Variants in ANKRD11 observed in about 807,000 individuals in gnomAD.
The protein encoded by ANKRD11 is ankyrin repeat domain 11, also known as ankyrin repeat domain-containing protein 11.
A neutral mutation model predicts 195.7 loss-of-function variants in ANKRD11; 17 were observed. That is an observed-to-expected ratio of 0.09 (90% CI 0.06 to 0.13). ANKRD11 has a LOEUF of 0.13. Ranked by LOEUF, ANKRD11 falls within the 10% of genes least tolerant of loss-of-function variation. ANKRD11 has a pLI of 1.00. For missense variants in ANKRD11, 3,735 were observed against 3,566.1 expected (o/e 1.05, Z -1.21); for synonymous variants, 1,953 against 1,528.1 (o/e 1.28, Z -6.49).
At chr16:89,381,855 T>C (rs2040671813) in intron 2 of ANKRD11, among the ~76,000 whole-genome samples, 2 of 152,200 alleles carry the variant, frequency 1.3e-5, no homozygotes, top group Non-Finnish European at 2.9e-5. Context: ...CAGGAGGGCA[T>C]AACTTACAGC....
rs1016867196 is a variant in ANKRD11, at chr16:89,291,615, G to A, written c.227-432C>T. The A allele has an allele frequency of 3.4e-6, 4 of 1,169,714 alleles. No individual in the cohort carries two copies. The highest frequency in any genetic ancestry group is 4.6e-6 in the Non-Finnish European group (4 of 878,248). The allele number at this position is 1,169,714 out of a possible 1,614,324, so 72.5% of individuals were successfully genotyped here. ...CCCCGTCCCTCCTCCAAACAGTGCA[G>A]ATATAAAATGGCAGACACAGTTTAA... is the stretch of plus-strand genomic sequence containing the variant. On this transcript the variant is annotated intron_variant, in intron 4 of 12. Transcript: ENST00000301030. The surrounding 1 kb of genome is among the most constrained non-coding windows in gnomAD (Gnocchi z 5.3).
intron 11 of ANKRD11, chr16:89,272,086 T>G (rs2033208674): frequency 6.6e-6 from 1 of 152,024 alleles, no homozygotes; most frequent in African/African-American, 2.4e-5. Context: ...GGGCAAAAGA[T>G]CTGAATAGAC....
At position 89,285,002 on chromosome 16, in the gene ANKRD11, G is replaced by A. The variant is rs367970933; in HGVS notation, c.1540C>T (p.Leu514=). The A allele has an allele frequency of 6.5e-5, 105 of 1,613,992 alleles. No individual in the cohort carries two copies. Among genetic ancestry groups the A allele is most frequent in the Non-Finnish European group, 8.0e-5 (94 of 1,180,026 alleles). The part of the protein sequence containing the change: ...GSPLVLKDPS[L]FSSLSASSTS... ...GAGGAGGCAGAGAGGGAGCTGAACA[G>A]GGAGGGGTCCTTCAGCACCAGCGGG... The change falls in exon 9 of 13, where the codon CTG becomes TTG. Residue 514 remains leucine, a synonymous_variant. Coordinates refer to ENST00000301030, the MANE Select transcript of ANKRD11 (RefSeq NM_013275.6). This position sits in a 1 kb window ranked among gnomAD's most constrained non-coding sequence, Gnocchi z 5.6.
In ANKRD11 at chr16:89,282,258, T is replaced by G. The variant is rs761134136; in HGVS notation, c.4284A>C (p.Lys1428Asn). ...GTTCTCTCTCGGAATCATTTTTATC[T>G]TTCTTTTCGGTAGAAAACAATTCAA... ...KTIELFSTEK[K>N]DKNDSEREPS... The change falls in exon 9 of 13, where the codon AAA (lysine) becomes AAC (asparagine). Residue 1428 changes from lysine to asparagine, a missense_variant. Coordinates refer to ENST00000301030, the MANE Select transcript of ANKRD11 (RefSeq NM_013275.6). 25 of 1,614,124 alleles carry G rather than the reference T, an allele frequency of 1.5e-5. No individual in the cohort carries two copies. The highest frequency in any genetic ancestry group is 6.7e-5 in the Admixed American group (4 of 60,008).
intron 11 of ANKRD11, among the ~76,000 whole-genome samples, chr16:89,274,082 G>A (rs1376495103): frequency 6.6e-6 from 1 of 152,212 alleles, no homozygotes; most frequent in Non-Finnish European, 1.5e-5. Context: ...CACATGGACA[G>A]GTCAGTGGTG....
chr16:89,473,993 G>T (rs548870257), intron 1 of ANKRD11, among the ~76,000 whole-genome samples: 28 of 152,324 alleles, frequency 1.8e-4, no homozygotes, highest in African/African-American at 6.5e-4. Context: ...GTTTTGAAGT[G>T]AGCTGCCAAG....
Position 89,454,128 on chromosome 16 carries a change from CACCACAGCCAACACA to C in ANKRD11, c.-144-35775_-144-35761del, listed in dbSNP as rs371647686. Among the ~76,000 whole-genome samples, 289 of 152,240 alleles carry C rather than the reference CACCACAGCCAACACA, an allele frequency of 1.9e-3. 1 individual carries two copies. Among genetic ancestry groups the C allele is most frequent in the African/African-American group, 6.6e-3 (272 of 41,522 alleles). ...GAGTGCTTCACAACACCCCCTGGCA[CACCACAGCCAACACA>C]ACCACAGCCAACACAACGACAGCCG... On this transcript the variant is annotated intron_variant, in intron 1 of 12. Transcript: ENST00000301030.
chr16:89,397,241 C>T (rs562970135), intron 2 of ANKRD11, among the ~76,000 whole-genome samples: 5 of 152,318 alleles, frequency 3.3e-5, no homozygotes, highest in African/African-American at 1.2e-4. Flanking sequence ...GCACGGGAGA[C>T]ACAGCCATCA....
rs1269665769 is a variant in ANKRD11, at chr16:89,351,852, C to T, written c.-59-34774G>A. 3.9e-5 allele frequency among the ~76,000 whole-genome samples: 6 copies of T among 152,170 alleles called. No homozygotes were observed. The South Asian group carries it at 8.3e-4, about 21-fold the overall frequency. On this transcript the variant is annotated intron_variant, in intron 2 of 12. Coordinates refer to ENST00000301030, the MANE Select transcript of ANKRD11 (RefSeq NM_013275.6). The stretch of plus-strand genomic sequence containing the variant: ...AACAGACCCGTGAATACACTAACAA[C>T]CTTTGAACTGTGCGCTTTATCTGGG...
rs62070784 is a variant in ANKRD11, at chr16:89,305,638, G to C, written c.88-294C>G. On this transcript the variant is annotated intron_variant, in intron 3 of 12. Coordinates refer to ENST00000301030, the MANE Select transcript of ANKRD11 (RefSeq NM_013275.6). ...GAGAAAGCAGAGGAGACACACACGCGCTACCTCTCACTCCGCAGACACGCG... is the reference window on the plus strand; with the variant it reads ...GAGAAAGCAGAGGAGACACACACGCCCTACCTCTCACTCCGCAGACACGCG... Among the ~76,000 whole-genome samples, 94,410 of 143,568 alleles carry C rather than the reference G, an allele frequency of 0.66. 31,877 individuals carry two copies. Among genetic ancestry groups the C allele is most frequent in the Middle Eastern group, 0.77 (215 of 280 alleles). The allele number at this position is 143,568 out of a possible 152,430, so 94.2% of individuals were successfully genotyped here.
intron 1 of ANKRD11, among the ~76,000 whole-genome samples, chr16:89,463,001 G>A (rs1343725212): frequency 1.3e-5 from 2 of 150,450 alleles, no homozygotes; most frequent in Non-Finnish European, 3.0e-5. Flanking sequence ...GAGGGAGGTG[G>A]GGGGGTCAGC....
intron 3 of ANKRD11, among the ~76,000 whole-genome samples, chr16:89,314,492 C>T (rs2036824430): frequency 6.6e-6 from 1 of 152,172 alleles, no homozygotes; most frequent in Non-Finnish European, 1.5e-5. Context: ...CAAATCAGGA[C>T]ACCCTGCCTC....
intron 1 of ANKRD11, among the ~76,000 whole-genome samples, chr16:89,428,352 C>G (rs9923267): frequency 0.36 from 54,548 of 151,714 alleles, 10,077 homozygotes; most frequent in Middle Eastern, 0.58. Flanking sequence ...GGTGAAACCC[C>G]GTCTCTACTA....
Position 89,282,248 on chromosome 16 carries a change from C to T in ANKRD11, c.4294G>A (p.Asp1432Asn). ...LFSTEKKDKN[D>N]SEREPSKKIE... ...TTCTTGGAAGGTTCTCTCTCGGAAT[C>T]ATTTTTATCTTTCTTTTCGGTAGAA... Residue 1432 changes from aspartate (D) to asparagine (N), a missense_variant, in exon 9 of 13, where the codon GAT (aspartate) becomes AAT (asparagine). By Grantham distance (23) the Asp-to-Asn change is conservative. Coordinates refer to ENST00000301030, the MANE Select transcript of ANKRD11 (RefSeq NM_013275.6). The T allele has an allele frequency of 6.2e-7, 1 of 1,614,060 alleles. No individual in the cohort carries two copies. The highest frequency in any genetic ancestry group is 8.5e-7 in the Non-Finnish European group (1 of 1,180,022).
intron 1 of ANKRD11, among the ~76,000 whole-genome samples, chr16:89,475,876 C>T (rs11647494): frequency 0.13 from 19,993 of 151,746 alleles, 1,680 homozygotes; most frequent in Middle Eastern, 0.2. Flanking sequence ...ATGGTGAAAC[C>T]CTGTCTCTAC....
intron 1 of ANKRD11, among the ~76,000 whole-genome samples, chr16:89,462,194 C>T (rs1391500957): frequency 6.6e-6 from 1 of 152,228 alleles, no homozygotes; most frequent in Non-Finnish European, 1.5e-5. Context: ...ATTCTCCTGA[C>T]TCAGCCTGCC....
At chr16:89,294,950 CT>C (rs1401163509) in intron 4 of ANKRD11, among the ~76,000 whole-genome samples, 2 of 152,230 alleles carry the variant, frequency 1.3e-5, no homozygotes, top group Non-Finnish European at 1.5e-5. Context: ...GGAGCTACCC[CT>C]AGGACAGCCA....
chr16:89,362,035 C>CTA (rs1475685537), intron 2 of ANKRD11, among the ~76,000 whole-genome samples: 2 of 152,304 alleles, frequency 1.3e-5, no homozygotes, highest in Admixed American at 1.3e-4. Flanking sequence ...CAAGACTAAC[C>CTA]CTCAAGTGCT....
intron 1 of ANKRD11, among the ~76,000 whole-genome samples, chr16:89,425,990 G>A (rs548615245): frequency 1.2e-4 from 19 of 152,272 alleles, no homozygotes; most frequent in Non-Finnish European, 2.5e-4. Context: ...AAGGGGGAAC[G>A]ATTTCACACA....
Sources: gnomAD v4.1 joint callset for allele counts (sites outside exome capture counted in the v4.1 genomes callset) on GRCh38, gnomAD v4.1.1 for gene constraint, Gnocchi (gnomAD v3.1) non-coding constraint, MANE v1.5 for transcripts, NCBI Gene and HGNC (gene_info 2026-07-23, HGNC 2026-07-21) for gene names.